The following ANK2 variants were observed in gnomAD, a reference collection of about 807,000 sequenced individuals.
ANK2 encodes the protein ankyrin 2, also known as ankyrin-2.
Under a neutral mutation model 360.5 loss-of-function variants are expected in ANK2, and 83 were observed. The observed-to-expected ratio is 0.23, with a 90% CI of 0.19 to 0.28. The LOEUF is 0.28. Ranked by LOEUF, ANK2 falls within the 10% of genes least tolerant of loss-of-function variation. The pLI is 1.00. For missense variants in ANK2, 4,201 were observed against 4,795.7 expected (o/e 0.88, Z 3.66); for synonymous variants, 1,740 against 1,759.5 (o/e 0.99, Z 0.28).
At chr4:113,052,608 G>A (rs1181327206) in intron 1 of ANK2, among the ~76,000 whole-genome samples, 1 of 152,206 alleles carries the variant, frequency 6.6e-6, no homozygotes, top group Non-Finnish European at 1.5e-5. Flanking sequence ...TTTACTGAGT[G>A]TGTTGAGAAT....
chr4:112,760,010 G>A, the ANK2 span, among the ~76,000 whole-genome samples: 1 of 152,076 alleles, frequency 6.6e-6, no homozygotes, highest in Non-Finnish European at 1.5e-5. Flanking sequence ...GAGATCTAAT[G>A]TGGTTGAGTA....
chr4:113,197,175 G>A (rs916953530), intron 3 of ANK2, among the ~76,000 whole-genome samples: 22 of 152,054 alleles, frequency 1.4e-4, no homozygotes, highest in African/African-American at 3.9e-4. Flanking sequence ...ATGCAGAATC[G>A]TTTATACTCT....
At chr4:113,297,253 T>G (rs921486472) in intron 22 of ANK2, among the ~76,000 whole-genome samples, 1 of 152,194 alleles carries the variant, frequency 6.6e-6, no homozygotes, top group Admixed American at 6.5e-5. Flanking sequence ...GGGAGGCATT[T>G]TGGCCTCCCA....
intron 1 of ANK2, chr4:113,146,013 A>G (rs957255038): frequency 3.2e-5 from 41 of 1,289,576 alleles, no homozygotes; most frequent in Non-Finnish European, 3.8e-5. Flanking sequence ...GGTAAGTTTT[A>G]GGCCACAAAG....
intron 1 of ANK2, among the ~76,000 whole-genome samples, chr4:113,172,559 A>G (rs2098018608): frequency 6.6e-6 from 1 of 151,840 alleles, no homozygotes; most frequent in Admixed American, 6.6e-5. Flanking sequence ...AATACATGTG[A>G]CTCCTTGAGC....
At chr4:112,851,641 TGAGATG>T (rs1349611193) in intron 1 of ANK2, among the ~76,000 whole-genome samples, 1 of 151,966 alleles carries the variant, frequency 6.6e-6, no homozygotes, top group African/African-American at 2.4e-5. Context: ...TTTTTTTTTT[TGAGATG>T]GAGTCTTGCT....
chr4:113,120,677 G>T (rs180741951), intron 1 of ANK2, among the ~76,000 whole-genome samples: 1 of 152,110 alleles, frequency 6.6e-6, no homozygotes, highest in East Asian at 1.9e-4. Flanking sequence ...TGTATCATGG[G>T]GGTTTGCTGT....
Position 113,354,567 on chromosome 4 carries a change from G to A in ANK2, c.5949G>A (p.Arg1983=). Residue 1983 remains arginine (R), a synonymous_variant, in exon 38 of 46, where the codon AGG becomes AGA. Transcript: ENST00000357077. ...TATCCCCCACTTCAAAAACAGAGAG[G>A]ATTGAGGAAACCATGTCTGTTCGGG... ...PPVSPTSKTE[R]IEETMSVREL... is the part of the protein sequence containing the mutation. 1 of 1,614,106 alleles carries A rather than the reference G, an allele frequency of 6.2e-7. No homozygotes were observed.
intron 2 of ANK2, among the ~76,000 whole-genome samples, chr4:113,017,279 A>C (rs1011496123): frequency 1.3e-5 from 2 of 152,080 alleles, no homozygotes; most frequent in Non-Finnish European, 2.9e-5. Flanking sequence ...ACTTTCAAGA[A>C]ATGTGTGTGT....
At chr4:112,890,174 G>A (rs1238959970) in intron 1 of ANK2, among the ~76,000 whole-genome samples, 1 of 152,102 alleles carries the variant, frequency 6.6e-6, no homozygotes, top group Middle Eastern at 3.2e-3. Context: ...CTGTGAGGAG[G>A]TACGAACATA....
rs1562439510 is a variant in ANK2 at position 113,151,189 on chromosome 4, A to G, written c.85-23227A>G. 5.0e-6 allele frequency: 6 copies of G among 1,211,614 alleles called. No individual in the cohort carries two copies. In the East Asian group the frequency reaches 2.3e-4, roughly 46 times the overall value. The allele number at this position is 1,211,614 out of a possible 1,614,324, so 75.1% of individuals were successfully genotyped here. ...CGTTGGTAACTAAGAAGTTTTAATT[A>G]TAACCTTCTGCTCAAAAAAGGAATG... On this transcript the variant is annotated intron_variant, in intron 1 of 45. Transcript: ENST00000357077.
chr4:112,843,124 C>G (rs762992040), intron 1 of ANK2, among the ~76,000 whole-genome samples: 5 of 152,208 alleles, frequency 3.3e-5, no homozygotes, highest in Non-Finnish European at 5.9e-5. Context: ...CTCCCCAACT[C>G]AAAATCCTTA....
At chr4:112,804,973 C>G in the ANK2 span, among the ~76,000 whole-genome samples, 1 of 152,002 alleles carries the variant, frequency 6.6e-6, no homozygotes, top group Non-Finnish European at 1.5e-5. Flanking sequence ...AAAAAAGAAA[C>G]AAAATTGCAA....
intron 2 of ANK2, among the ~76,000 whole-genome samples, chr4:112,983,872 C>T (rs2043969814): frequency 6.6e-6 from 1 of 152,106 alleles, no homozygotes; most frequent in African/African-American, 2.4e-5. Flanking sequence ...TTGGTAGAAA[C>T]TTCAGGAATT....
At chr4:113,021,530 C>CCACCCA (rs1554056654) in intron 2 of ANK2, among the ~76,000 whole-genome samples, 1 of 13,088 alleles carries the variant, frequency 7.6e-5, no homozygotes, top group Admixed American at 1.1e-3. Context: ...ACACACACAC[C>CCACCCA]CACACACAAA....
intron 2 of ANK2, among the ~76,000 whole-genome samples, chr4:113,192,197 C>A (rs2098676863): frequency 1.3e-5 from 2 of 152,208 alleles, no homozygotes; most frequent in South Asian, 4.1e-4. Flanking sequence ...AAAACCATTT[C>A]TAAATGTCCA....
the ANK2 span, among the ~76,000 whole-genome samples, chr4:112,745,383 C>T: frequency 2.0e-5 from 3 of 152,168 alleles, no homozygotes; most frequent in Non-Finnish European, 4.4e-5. Flanking sequence ...GTAATAATCA[C>T]ATCAAGGTAA....
intron 4 of ANK2, among the ~76,000 whole-genome samples, chr4:113,228,408 CT>C (rs1263062967): frequency 1.3e-5 from 2 of 152,162 alleles, no homozygotes; most frequent in African/African-American, 4.8e-5. Flanking sequence ...CATAGCTTAG[CT>C]CCCCCTAAGA....
rs755562417 is a variant in ANK2, at chr4:113,345,950, G to A, written c.4299G>A (p.Glu1433=). 3 of 1,613,530 alleles carry A rather than the reference G, an allele frequency of 1.9e-6. No homozygotes were observed. In the Admixed American group the frequency reaches 5.0e-5, roughly 27 times the overall value. ...GCGGACGACTATCATTTATGAAGGA[G>A]CCAAAATCCACGAGAGGCCTGGTGC... ...EPCGRLSFMK[E]PKSTRGLVHQ... is the part of the protein sequence containing the mutation. Residue 1433 remains glutamate, a synonymous_variant, in exon 35 of 46, where the codon GAG becomes GAA. Coordinates refer to ENST00000357077, the MANE Select transcript of ANK2 (RefSeq NM_001148.6).
Sources: gnomAD v4.1 joint callset for allele counts (sites outside exome capture counted in the v4.1 genomes callset) on GRCh38, gnomAD v4.1.1 for gene constraint, MANE v1.5 for transcripts, NCBI Gene and HGNC (gene_info 2026-07-23, HGNC 2026-07-21) for gene names.